Variants in HS3ST4 observed in about 807,000 individuals in gnomAD.
HS3ST4 encodes heparan sulfate-glucosamine 3-sulfotransferase 4.
HS3ST4 carries 17 observed loss-of-function variants against 29.2 expected under a neutral mutation model. That is an observed-to-expected ratio of 0.58 (90% CI 0.40 to 0.87). The LOEUF (loss-of-function observed/expected upper bound fraction) is 0.87. HS3ST4 is among the 40% of genes least tolerant of loss of function. The probability of loss-of-function intolerance (pLI) is 0.00; values close to 1 mark genes in which losing one functional copy is unlikely to be tolerated. For synonymous variants in HS3ST4, 314 were observed against 285.7 expected (o/e 1.10, Z -1.00); for missense variants, 627 against 634.5 (o/e 0.99, Z 0.13).
At position 26,135,789 on chromosome 16, in the gene HS3ST4, GA is replaced by G; in HGVS notation, c.915del (p.Lys305AsnfsTer19). On this transcript the variant is annotated frameshift_variant, in exon 2 of 2. Transcript: ENST00000331351. LOFTEE classifies it high-confidence loss of function. ...CTGACTACACGCAGACACTGTCAAA[GA>G]AACCCGAGATCCCCACCTTTGAGGT... is the stretch of plus-strand genomic sequence containing the variant. The part of the protein sequence containing the change: ...ISDYTQTLSK[K>X]PEIPTFEVLA... 1.2e-6 allele frequency: 2 copies of G among 1,613,742 alleles called. No homozygotes were observed. Among genetic ancestry groups the G allele is most frequent in the Non-Finnish European group, 1.7e-6 (2 of 1,179,910 alleles).
intron 1 of HS3ST4, among the ~76,000 whole-genome samples, chr16:25,888,607 T>C (rs1967977976): frequency 6.6e-6 from 1 of 152,218 alleles, no homozygotes; most frequent in Non-Finnish European, 1.5e-5. Flanking sequence ...TGCTCTGATC[T>C]GGCCAGCTGA....
intron 1 of HS3ST4, among the ~76,000 whole-genome samples, chr16:26,086,001 A>C (rs1457575040): frequency 6.6e-6 from 1 of 152,090 alleles, no homozygotes; most frequent in Non-Finnish European, 1.5e-5. Flanking sequence ...ACATCAACTC[A>C]TCTCTCTGAC....
chr16:25,861,222 C>T (rs1204724065), intron 1 of HS3ST4, among the ~76,000 whole-genome samples: 3 of 152,100 alleles, frequency 2.0e-5, no homozygotes, highest in African/African-American at 7.2e-5. Flanking sequence ...CAGTGAGGTC[C>T]TGGTGTCTGT....
Position 25,873,480 on chromosome 16 carries a change from C to CTATCTA in HS3ST4, c.734+180330_734+180331insATCTAT, listed in dbSNP as rs1567261515. Among the ~76,000 whole-genome samples, 190 of 69,952 alleles carry CTATCTA rather than the reference C, an allele frequency of 2.7e-3. 4 individuals carry two copies. Among genetic ancestry groups the CTATCTA allele is most frequent in the Admixed American group, 3.7e-3 (28 of 7,600 alleles). 45.9% of individuals were successfully genotyped at this position (69,952 alleles called of 152,430 possible). ...CATTTACCCACCCATCCATCTATCT[C>CTATCTA]TCTATCTATCTATCTATCTATCTAT... is the stretch of plus-strand genomic sequence containing the variant. On this transcript the variant is annotated intron_variant, in intron 1 of 1. Transcript: ENST00000331351.
intron 1 of HS3ST4, among the ~76,000 whole-genome samples, chr16:25,974,853 C>T (rs1358622709): frequency 4.6e-5 from 7 of 152,028 alleles, no homozygotes; most frequent in Non-Finnish European, 7.4e-5. Flanking sequence ...TGACATATTC[C>T]AAATTACAGA....
At chr16:25,994,609 A>T (rs1367321630) in intron 1 of HS3ST4, among the ~76,000 whole-genome samples, 1 of 152,184 alleles carries the variant, frequency 6.6e-6, no homozygotes, top group African/African-American at 2.4e-5. Flanking sequence ...TTTGTTTTTA[A>T]TGCTGAGTCT....
chr16:25,992,349 G>A (rs1356137302), intron 1 of HS3ST4, among the ~76,000 whole-genome samples: 1 of 152,214 alleles, frequency 6.6e-6, no homozygotes, highest in African/African-American at 2.4e-5. Context: ...GCTGAGACAT[G>A]GATGATGTCC....
At chr16:26,093,964 C>T (rs577457755) in intron 1 of HS3ST4, among the ~76,000 whole-genome samples, 52 of 152,266 alleles carry the variant, frequency 3.4e-4, no homozygotes, top group African/African-American at 1.1e-3. Flanking sequence ...CTTCGTGATG[C>T]ATGCACAAGC....
At chr16:25,991,770 C>T (rs981282828) in intron 1 of HS3ST4, among the ~76,000 whole-genome samples, 2 of 152,140 alleles carry the variant, frequency 1.3e-5, no homozygotes, top group African/African-American at 4.8e-5. Flanking sequence ...GCCTGTAATC[C>T]CAGCACTTTG....
At position 25,828,245 on chromosome 16, in the gene HS3ST4, TTTCTTTCTTTC is replaced by T. The variant is rs1567249319; in HGVS notation, c.734+135097_734+135107del. 1.3e-3 allele frequency among the ~76,000 whole-genome samples: 66 copies of T among 52,518 alleles called. 4 individuals carry two copies. The South Asian group carries it at 0.031, about 24-fold the overall frequency. The allele number at this position is 52,518 out of a possible 152,430, so 34.5% of individuals were successfully genotyped here. ...TCCTTTCTTTCTTTCTTTCTTTCTC[TTTCTTTCTTTC>T]TTTCTTTCTTTCTTTCTTTCTTTCT... On this transcript the variant is annotated intron_variant, in intron 1 of 1. Transcript: ENST00000331351.
chr16:25,926,532 C>T (rs773454733), intron 1 of HS3ST4, among the ~76,000 whole-genome samples: 6 of 152,204 alleles, frequency 3.9e-5, no homozygotes, highest in Non-Finnish European at 5.9e-5. Context: ...TACTATCTCT[C>T]TGCTAAAATA....
chr16:25,928,675 A>G (rs1968434059), intron 1 of HS3ST4, among the ~76,000 whole-genome samples: 1 of 152,150 alleles, frequency 6.6e-6, no homozygotes, highest in Non-Finnish European at 1.5e-5. Flanking sequence ...TAATTGCCGT[A>G]TGTTTTGAAA....
At chr16:25,708,448 G>A (rs1300730107) in intron 1 of HS3ST4, among the ~76,000 whole-genome samples, 1 of 152,074 alleles carries the variant, frequency 6.6e-6, no homozygotes, top group African/African-American at 2.4e-5. Flanking sequence ...CTTCATTTGT[G>A]TTCAGATATA....
intron 1 of HS3ST4, among the ~76,000 whole-genome samples, chr16:25,967,396 C>T (rs956260666): frequency 9.2e-5 from 14 of 152,084 alleles, no homozygotes; most frequent in African/African-American, 2.9e-4. Context: ...CCTCGTGATC[C>T]GCCCACCTCA....
At chr16:25,955,817 C>CTTT (rs67504831) in intron 1 of HS3ST4, among the ~76,000 whole-genome samples, 46,996 of 141,974 alleles carry the variant, frequency 0.33, 7,927 homozygotes, top group Admixed American at 0.35. Context: ...GTGATGTATA[C>CTTT]TTTTTTTTTT....
intron 1 of HS3ST4, among the ~76,000 whole-genome samples, chr16:26,082,520 C>T (rs1360718065): frequency 6.6e-6 from 1 of 152,126 alleles, no homozygotes; most frequent in Non-Finnish European, 1.5e-5. Flanking sequence ...ATTTCTGCAC[C>T]GTTATGTCCT....
intron 1 of HS3ST4, among the ~76,000 whole-genome samples, chr16:25,936,428 A>G (rs1968517751): frequency 6.6e-6 from 1 of 152,230 alleles, no homozygotes; most frequent in African/African-American, 2.4e-5. Context: ...ATTTAGTAGG[A>G]ACTCATGCAA....
intron 1 of HS3ST4, among the ~76,000 whole-genome samples, chr16:25,712,479 C>G (rs1257837087): frequency 6.6e-6 from 1 of 152,010 alleles, no homozygotes; most frequent in Non-Finnish European, 1.5e-5. Flanking sequence ...TGTGATCATG[C>G]CACTGCACTC....
At chr16:25,875,259 C>T (rs1243193858) in intron 1 of HS3ST4, among the ~76,000 whole-genome samples, 3 of 152,074 alleles carry the variant, frequency 2.0e-5, no homozygotes, top group African/African-American at 4.8e-5. Flanking sequence ...GGATGTGAGC[C>T]CGGTGGTACT....
Sources: gnomAD v4.1 joint callset for allele counts (sites outside exome capture counted in the v4.1 genomes callset) on GRCh38, gnomAD v4.1.1 for gene constraint, MANE v1.5 for transcripts, NCBI Gene and HGNC (gene_info 2026-07-23, HGNC 2026-07-21) for gene names.